The following PCDH9 variants were observed in gnomAD, a reference collection of about 807,000 sequenced individuals.
PCDH9 encodes the protein protocadherin-9.
A neutral mutation model predicts 70.6 loss-of-function variants in PCDH9; 24 were observed. The observed-to-expected ratio is 0.34, with a 90% CI of 0.25 to 0.48. The LOEUF (loss-of-function observed/expected upper bound fraction) is 0.48. Ranked by LOEUF, PCDH9 falls within the 20% of genes least tolerant of loss-of-function variation. PCDH9 has a pLI of 0.99. For synonymous variants in PCDH9, 562 were observed against 558.5 expected, an observed-to-expected ratio of 1.01 and a Z score of -0.09; for missense variants, 1,281 against 1,503.6, an observed-to-expected ratio of 0.85 and a Z score of 2.45.
At chr13:66,836,449 TCTGC>T (rs1418350409) in intron 3 of PCDH9, among the ~76,000 whole-genome samples, 1 of 152,198 alleles carries the variant, frequency 6.6e-6, no homozygotes, top group Non-Finnish European at 1.5e-5. Context: ...CCTAGTCTTA[TCTGC>T]CTATCAAACT....
At chr13:66,418,041 T>G (rs1344247899) in intron 4 of PCDH9, among the ~76,000 whole-genome samples, 1 of 152,238 alleles carries the variant, frequency 6.6e-6, no homozygotes, top group Non-Finnish European at 1.5e-5. Context: ...TTGGCTTTTG[T>G]TGCAATTGCT....
intron 2 of PCDH9, among the ~76,000 whole-genome samples, chr13:67,195,912 G>A (rs118148061): frequency 0.031 from 4,654 of 152,230 alleles, 137 homozygotes; most frequent in Admixed American, 0.093. Context: ...AGGAATGGTT[G>A]CTCGACTTGA....
intron 4 of PCDH9, among the ~76,000 whole-genome samples, chr13:66,487,610 T>C (rs913842745): frequency 4.6e-5 from 7 of 152,136 alleles, no homozygotes; most frequent in African/African-American, 1.7e-4. Flanking sequence ...GTCCATAATA[T>C]TATATGGACA....
chr13:67,120,521 A>G (rs1288460958), intron 2 of PCDH9, among the ~76,000 whole-genome samples: 4 of 152,018 alleles, frequency 2.6e-5, no homozygotes, highest in Non-Finnish European at 5.9e-5. Flanking sequence ...TGTGCCACCT[A>G]ATTTTACAGA....
At chr13:66,867,001 C>A (rs1004409583) in intron 3 of PCDH9, among the ~76,000 whole-genome samples, 5 of 147,888 alleles carry the variant, frequency 3.4e-5, no homozygotes, top group Non-Finnish European at 1.5e-5. Context: ...TGTTAATGAC[C>A]AAATCAGTTT....
At chr13:66,622,135 G>C (rs1364250678) in intron 4 of PCDH9, among the ~76,000 whole-genome samples, 1 of 152,246 alleles carries the variant, frequency 6.6e-6, no homozygotes, top group Non-Finnish European at 1.5e-5. Flanking sequence ...AGCAGTGCTG[G>C]CCCACGGGCA....
intron 4 of PCDH9, among the ~76,000 whole-genome samples, chr13:66,511,750 C>T (rs144568790): frequency 6.6e-6 from 1 of 151,962 alleles, no homozygotes; most frequent in African/African-American, 2.4e-5. Context: ...GTGGTACCTC[C>T]CCTGACTCTC....
At chr13:66,689,384 T>C (rs1182997847) in intron 3 of PCDH9, among the ~76,000 whole-genome samples, 3 of 152,238 alleles carry the variant, frequency 2.0e-5, no homozygotes, top group Non-Finnish European at 4.4e-5. Context: ...AATTACAGCG[T>C]TGGCGGTGGA....
chr13:66,426,323 A>G (rs543253521), intron 4 of PCDH9, among the ~76,000 whole-genome samples: 1 of 151,658 alleles, frequency 6.6e-6, no homozygotes, highest in Admixed American at 6.6e-5. Context: ...TCCTTTTTCA[A>G]CCAAAGAATA....
At chr13:66,714,388 C>T (rs367546684) in intron 3 of PCDH9, among the ~76,000 whole-genome samples, 4 of 150,494 alleles carry the variant, frequency 2.7e-5, no homozygotes, top group African/African-American at 7.3e-5. Context: ...TGGAGTGAAC[C>T]GGGAGGTGGA....
chr13:66,895,297 A>G (rs985249870), intron 3 of PCDH9, among the ~76,000 whole-genome samples: 2 of 152,202 alleles, frequency 1.3e-5, no homozygotes, highest in Admixed American at 1.3e-4. Flanking sequence ...GGGATCTCAC[A>G]GTTTTCAATC....
intron 2 of PCDH9, among the ~76,000 whole-genome samples, chr13:66,950,808 C>T (rs1363035619): frequency 6.6e-6 from 1 of 152,026 alleles, no homozygotes; most frequent in Non-Finnish European, 1.5e-5. Flanking sequence ...GTCTACTTAA[C>T]CAAAAACAGC....
At chr13:66,766,029 T>C (rs2079711661) in intron 3 of PCDH9, among the ~76,000 whole-genome samples, 1 of 152,090 alleles carries the variant, frequency 6.6e-6, no homozygotes, top group Non-Finnish European at 1.5e-5. Flanking sequence ...ATCTCTTATA[T>C]AGTCTATTTA....
intron 2 of PCDH9, among the ~76,000 whole-genome samples, chr13:67,116,939 T>C (rs1349022799): frequency 6.6e-6 from 1 of 152,182 alleles, no homozygotes; most frequent in African/African-American, 2.4e-5. Context: ...CCACAGGATC[T>C]GGGCCAAATT....
At chr13:66,786,856 A>G (rs758442162) in intron 3 of PCDH9, among the ~76,000 whole-genome samples, 4 of 152,212 alleles carry the variant, frequency 2.6e-5, no homozygotes, top group Non-Finnish European at 4.4e-5. Context: ...AAGGAGATAA[A>G]AAAATTCTCA....
intron 4 of PCDH9, among the ~76,000 whole-genome samples, chr13:66,517,062 A>T (rs1959770162): frequency 6.6e-6 from 1 of 152,086 alleles, no homozygotes; most frequent in Non-Finnish European, 1.5e-5. Context: ...AGCCAGCAAG[A>T]CTTGAGATAT....
chr13:66,582,730 T>A (rs952331331), intron 4 of PCDH9, among the ~76,000 whole-genome samples: 8 of 152,214 alleles, frequency 5.3e-5, no homozygotes, highest in African/African-American at 1.7e-4. Flanking sequence ...CATTTCTTTA[T>A]ATGAAAGATA....
chr13:67,042,984 G>A (rs2085152258), intron 2 of PCDH9, among the ~76,000 whole-genome samples: 1 of 151,872 alleles, frequency 6.6e-6, no homozygotes, highest in Non-Finnish European at 1.5e-5. Flanking sequence ...AGAAGGAGGT[G>A]AATTTGTAAA....
At chr13:66,423,418 G>A (rs1334876245) in intron 4 of PCDH9, among the ~76,000 whole-genome samples, 10 of 150,930 alleles carry the variant, frequency 6.6e-5, no homozygotes, top group Admixed American at 6.6e-5. Context: ...ACATCATTGC[G>A]AAAATCCTCA....
Sources: allele counts gnomAD v4.1 joint callset (sites outside exome capture counted in the v4.1 genomes callset), GRCh38; gene constraint gnomAD v4.1.1; transcripts MANE v1.5; gene names NCBI Gene and HGNC (gene_info 2026-07-23, HGNC 2026-07-21).